XKR9: variants seen among roughly 807,000 people sequenced by gnomAD.
XKR9 encodes XK related 9.
XKR9 carries 32 observed loss-of-function variants against 32.0 expected under a neutral mutation model. The ratio of observed to expected loss-of-function variants is 1.00; its 90% CI spans 0.76 to 1.34. The LOEUF (loss-of-function observed/expected upper bound fraction) is 1.34, where lower values mean the gene tolerates loss of function less well. XKR9 is among the 40% of genes most tolerant of loss of function. The pLI is 0.00. For missense variants in XKR9, 546 were observed against 429.7 expected (o/e 1.27, Z -2.39); for synonymous variants, 168 against 143.4 (o/e 1.17, Z -1.22).
the XKR9 span, among the ~76,000 whole-genome samples, chr8:70,982,153 T>G: frequency 6.6e-6 from 1 of 152,230 alleles, no homozygotes; most frequent in South Asian, 2.1e-4. Flanking sequence ...CAAGAGCACA[T>G]CAGCTGAGGT....
At chr8:70,817,828 T>C in the XKR9 span, among the ~76,000 whole-genome samples, 1 of 152,168 alleles carries the variant, frequency 6.6e-6, no homozygotes, top group Non-Finnish European at 1.5e-5. Flanking sequence ...AACCACCTGA[T>C]CTTTGACAAA....
the XKR9 span, among the ~76,000 whole-genome samples, chr8:71,042,141 A>G: frequency 6.6e-6 from 1 of 152,150 alleles, no homozygotes. Context: ...TGCTTTGAGG[A>G]CAACTTACCC....
chr8:70,912,027 G>A, the XKR9 span, among the ~76,000 whole-genome samples: 3 of 152,168 alleles, frequency 2.0e-5, no homozygotes, highest in African/African-American at 4.8e-5. Context: ...AGCTACTTGG[G>A]TGGAGAAGGA....
intron 4 of XKR9, among the ~76,000 whole-genome samples, chr8:70,720,210 G>A (rs145327359): frequency 2.6e-5 from 4 of 152,066 alleles, no homozygotes; most frequent in Non-Finnish European, 5.9e-5. Context: ...CTGAGACAAG[G>A]GGTATTCTAA....
At chr8:70,794,977 TTTA>T (rs1420662827), downstream of XKR9, among the ~76,000 whole-genome samples, 4 of 152,136 alleles carry the variant, frequency 2.6e-5, no homozygotes, top group Non-Finnish European at 4.4e-5. Flanking sequence ...TTTGTTGTTG[TTTA>T]TTATTATTTT....
At chr8:70,994,973 A>C in the XKR9 span, among the ~76,000 whole-genome samples, 1 of 152,132 alleles carries the variant, frequency 6.6e-6, no homozygotes, top group African/African-American at 2.4e-5. Context: ...TAGTTAGTAA[A>C]GTTTATTATG....
chr8:70,962,600 A>G, the XKR9 span, among the ~76,000 whole-genome samples: 158 of 152,264 alleles, frequency 1.0e-3, 1 homozygote, highest in Middle Eastern at 6.8e-3. Context: ...TCTTTATCCG[A>G]TCCACCACTG....
At chr8:71,000,267 T>C in the XKR9 span, among the ~76,000 whole-genome samples, 48,376 of 152,020 alleles carry the variant, frequency 0.32, 9,010 homozygotes, top group Non-Finnish European at 0.43. Flanking sequence ...AATAAATGGT[T>C]AGAGCTTTCA....
chr8:70,972,166 C>T, the XKR9 span, among the ~76,000 whole-genome samples: 1 of 152,004 alleles, frequency 6.6e-6, no homozygotes, highest in Non-Finnish European at 1.5e-5. Context: ...TTGTAGAGGT[C>T]TTTCTTGTCC....
chr8:70,802,566 G>A, the XKR9 span, among the ~76,000 whole-genome samples: 1 of 151,380 alleles, frequency 6.6e-6, no homozygotes, highest in African/African-American at 2.4e-5. Context: ...TTGTTTTATT[G>A]TGTCTGCGTT....
chr8:70,930,856 G>T, the XKR9 span, among the ~76,000 whole-genome samples: 1 of 152,248 alleles, frequency 6.6e-6, no homozygotes, highest in Admixed American at 6.5e-5. Context: ...AGGAATTGAT[G>T]GTTGGGTATG....
the XKR9 span, among the ~76,000 whole-genome samples, chr8:70,796,182 G>A: frequency 6.6e-6 from 1 of 152,002 alleles, no homozygotes; most frequent in East Asian, 1.9e-4. Context: ...CATAGTACAA[G>A]AAGTAGTTTT....
chr8:71,017,375 G>T, the XKR9 span, among the ~76,000 whole-genome samples: 1 of 152,256 alleles, frequency 6.6e-6, no homozygotes, highest in Non-Finnish European at 1.5e-5. Flanking sequence ...TCTGCTTATT[G>T]TTTGAATTCC....
intron 4 of XKR9, among the ~76,000 whole-genome samples, chr8:70,729,656 A>G (rs1563454425): frequency 1.3e-5 from 2 of 152,182 alleles, no homozygotes; most frequent in South Asian, 4.1e-4. Flanking sequence ...AGTTAAAGAC[A>G]CAATTGACAA....
At chr8:70,758,911 G>T (rs1465637312) in intron 2 of XKR9, among the ~76,000 whole-genome samples, 2 of 152,208 alleles carry the variant, frequency 1.3e-5, no homozygotes, top group East Asian at 3.8e-4. Flanking sequence ...TTTAGAGGCA[G>T]TCTCTAATGT....
chr8:70,758,876 C>G (rs1415318619), intron 2 of XKR9, among the ~76,000 whole-genome samples: 4 of 152,100 alleles, frequency 2.6e-5, no homozygotes, highest in African/African-American at 9.7e-5. Flanking sequence ...CCATACTGGC[C>G]CTTTACATGG....
downstream of XKR9, among the ~76,000 whole-genome samples, chr8:70,738,576 T>A (rs866816968): frequency 2.7e-5 from 4 of 150,152 alleles, no homozygotes; most frequent in African/African-American, 2.4e-5. Context: ...TGTCAATTTT[T>A]GATCTTTCCT....
At chr8:70,742,134 T>C (rs534114349) in intron 2 of XKR9, among the ~76,000 whole-genome samples, 3 of 152,320 alleles carry the variant, frequency 2.0e-5, no homozygotes, top group Admixed American at 6.5e-5. Flanking sequence ...AATTAAGGGT[T>C]AACATCCAGA....
chr8:70,759,771 A>G (rs1170724925), intron 2 of XKR9, among the ~76,000 whole-genome samples: 1 of 152,188 alleles, frequency 6.6e-6, no homozygotes, highest in East Asian at 1.9e-4. Flanking sequence ...ATGAACCCAT[A>G]ACTGGGGTTC....
Sources: allele counts gnomAD v4.1 joint callset (sites outside exome capture counted in the v4.1 genomes callset), GRCh38; gene constraint gnomAD v4.1.1; transcripts MANE v1.5; gene names NCBI Gene and HGNC (gene_info 2026-07-23, HGNC 2026-07-21).